RNF212: variants seen among roughly 807,000 people sequenced by gnomAD.
RNF212 encodes the protein probable E3 SUMO-protein ligase RNF212.
Under a neutral mutation model 34.7 loss-of-function variants are expected in RNF212, and 33 were observed. The ratio of observed to expected loss-of-function variants is 0.95; its 90% CI spans 0.72 to 1.27. The LOEUF (loss-of-function observed/expected upper bound fraction) is 1.27, where lower values mean the gene tolerates loss of function less well. RNF212 is among the 50% of genes most tolerant of loss of function. The pLI, the probability that RNF212 is intolerant of heterozygous loss-of-function variation, is 0.00. For synonymous variants in RNF212, 140 were observed against 136.1 expected, an observed-to-expected ratio of 1.03 and a Z score of -0.20; for missense variants, 377 against 362.2, an observed-to-expected ratio of 1.04 and a Z score of -0.33.
intron 1 of RNF212, among the ~76,000 whole-genome samples, chr4:1,112,692 C>G (rs896000826): frequency 2.7e-5 from 4 of 148,528 alleles, no homozygotes; most frequent in Non-Finnish European, 4.5e-5. Flanking sequence ...CTGTGTCCCC[C>G]TCATCTTGCA....
intron 2 of RNF212, among the ~76,000 whole-genome samples, chr4:1,102,529 G>A (rs997310643): frequency 2.0e-5 from 3 of 152,058 alleles, no homozygotes; most frequent in Non-Finnish European, 4.4e-5. Flanking sequence ...CATTCATCCT[G>A]GCTAACAGGG....
At chr4:1,071,451 C>G (rs980479253), downstream of RNF212, 1 of 151,454 alleles carries the variant, frequency 6.6e-6, no homozygotes, top group Non-Finnish European at 1.5e-5. Context: ...GTCAAGAGAA[C>G]AAAGGACAAG....
downstream of RNF212, among the ~76,000 whole-genome samples, chr4:1,070,263 G>C (rs1401826476): frequency 1.4e-5 from 2 of 142,350 alleles, no homozygotes; most frequent in Admixed American, 1.4e-4. Flanking sequence ...GGACTGTGCT[G>C]TGTCAGCGTG....
intron 2 of RNF212, among the ~76,000 whole-genome samples, chr4:1,105,296 C>T (rs570530888): frequency 2.1e-4 from 10 of 48,382 alleles, no homozygotes; most frequent in Admixed American, 1.0e-3. Flanking sequence ...CCGCGCTCAC[C>T]GGAGTCTCCC....
intron 3 of RNF212, among the ~76,000 whole-genome samples, chr4:1,062,313 C>T (rs2153032745): frequency 6.6e-6 from 1 of 152,260 alleles, no homozygotes; most frequent in East Asian, 1.9e-4. Context: ...CTCAGGAATG[C>T]ACAGTTCCTT....
At chr4:1,057,356 C>T (rs1006361417) in intron 4 of RNF212, among the ~76,000 whole-genome samples, 9 of 152,264 alleles carry the variant, frequency 5.9e-5, no homozygotes, top group African/African-American at 1.4e-4. Flanking sequence ...TTTAGCGAGA[C>T]CACCGGACCT....
At chr4:1,095,886 A>G (rs546532031) in intron 3 of RNF212, among the ~76,000 whole-genome samples, 3 of 59,878 alleles carry the variant, frequency 5.0e-5, no homozygotes, top group East Asian at 4.9e-4. Flanking sequence ...CCATGGTCTC[A>G]GCATAGCGCA....
rs369328789 is a variant in RNF212 at position 1,078,889 on chromosome 4, T to A, written c.510+754A>T. Among the ~76,000 whole-genome samples, 9 of 124,558 alleles carry A rather than the reference T, an allele frequency of 7.2e-5. No individual in the cohort carries two copies. The East Asian group carries it at 2.2e-3, about 31-fold the overall frequency. The allele number at this position is 124,558 out of a possible 152,430, so 81.7% of individuals were successfully genotyped here. A position where few individuals can be genotyped will look rare whatever the true frequency, so the allele number is the denominator to read the frequency against. On this transcript the variant is annotated intron_variant, in intron 8 of 9. Coordinates refer to ENST00000433731, the MANE Select transcript of RNF212 (RefSeq NM_001131034.4). ...ACACAGGGTCAACACAGGACCGACA[T>A]GGGACCAACACAGGGTCAACACAGG...
chr4:1,078,879 A>G (rs1206646259), intron 8 of RNF212, among the ~76,000 whole-genome samples: 3 of 151,692 alleles, frequency 2.0e-5, no homozygotes, highest in South Asian at 2.1e-4. Flanking sequence ...GGGTCAACAC[A>G]GGACCGACAT....
chr4:1,109,993 C>T (rs1351690890), intron 1 of RNF212, among the ~76,000 whole-genome samples: 1 of 152,200 alleles, frequency 6.6e-6, no homozygotes, highest in Non-Finnish European at 1.5e-5. Context: ...AGGTCCCCTC[C>T]CTTCTAGCTC....
chr4:1,090,838 T>A lies in RNF212; in HGVS notation c.247A>T (p.Ile83Phe), dbSNP rs1247916957. The A allele has an allele frequency of 6.3e-7, 1 of 1,581,350 alleles. No individual in the cohort carries two copies. Among genetic ancestry groups the A allele is most frequent in the East Asian group, 2.2e-5 (1 of 44,686 alleles). The change falls in exon 4 of 10, where the codon ATT (isoleucine) becomes TTT (phenylalanine). Residue 83 changes from isoleucine (I) to phenylalanine (F), a missense_variant and splice_region_variant. Coordinates refer to ENST00000433731, the MANE Select transcript of RNF212 (RefSeq NM_001131034.4). ...CTGTGTTTTTCTTGAAATTCTAAAA[T>A]CTGAAAAGATCATAGGTTTCAGCTG... is the stretch of plus-strand genomic sequence containing the variant. ...CKKYSRETSQ[I>F]LEFQEKHRKR...
At chr4:1,058,481 T>G (rs868046281) in intron 3 of RNF212, 1 of 498,364 alleles carries the variant, frequency 2.0e-6, no homozygotes, top group African/African-American at 2.1e-5. Flanking sequence ...CCTGCTGAGC[T>G]TCTCCGTAGC....
chr4:1,070,391 T>A (rs1334644396), downstream of RNF212, among the ~76,000 whole-genome samples: 2 of 141,446 alleles, frequency 1.4e-5, no homozygotes, highest in South Asian at 2.3e-4. Context: ...GTGCCTGGCC[T>A]GAGTTGTGGG....
At chr4:1,066,503 G>GT (rs929073419), downstream of RNF212, among the ~76,000 whole-genome samples, 4 of 151,454 alleles carry the variant, frequency 2.6e-5, no homozygotes, top group South Asian at 2.1e-4. Context: ...TACTTTTTAA[G>GT]TTTTTTTGTA....
At chr4:1,107,840 A>G (rs181616121) in intron 2 of RNF212, among the ~76,000 whole-genome samples, 12 of 152,378 alleles carry the variant, frequency 7.9e-5, no homozygotes, top group Admixed American at 6.5e-4. Context: ...AACAACTATT[A>G]TATTTAAATC....
At chr4:1,103,688 A>C (rs954495540) in intron 2 of RNF212, among the ~76,000 whole-genome samples, 1 of 152,248 alleles carries the variant, frequency 6.6e-6, no homozygotes, top group East Asian at 1.9e-4. Context: ...TAAAATATTT[A>C]TAGTCAATAA....
chr4:1,108,521 T>G (rs112262072), intron 1 of RNF212, 117 bp from the exon 2 acceptor site: 3 of 497,494 alleles, frequency 6.0e-6, no homozygotes, highest in African/African-American at 4.0e-5. Context: ...ACTTACAGGT[T>G]TTCATGTTCT....
At chr4:1,058,290 A>AATAAGGTGCTTGCGGGGGTTAGAACGCT (rs1560086786) in intron 4 of RNF212, 1 of 366,286 alleles carries the variant, frequency 2.7e-6, no homozygotes, top group South Asian at 1.1e-4. Flanking sequence ...GTTAGAACGC[A>AATAAGGTGCTTGCGGGGGTTAGAACGCT]GTGAAGAAGG....
chr4:1,065,732 G>GCAATTTTTTAAATATATAGTAGCCATCC (rs1553798696), intron 3 of RNF212, among the ~76,000 whole-genome samples: 6 of 151,924 alleles, frequency 3.9e-5, no homozygotes, highest in African/African-American at 4.8e-5. Context: ...GACTACAGGT[G>GCAATTTTTTAAATATATAGTAGCCATCC]TGTGCCACCA....
Sources: allele counts gnomAD v4.1 joint callset (sites outside exome capture counted in the v4.1 genomes callset), GRCh38; gene constraint gnomAD v4.1.1; transcripts MANE v1.5; gene names NCBI Gene and HGNC (gene_info 2026-07-23, HGNC 2026-07-21).